The following RTN4 variants were observed in gnomAD, a reference collection of about 807,000 sequenced individuals.
RTN4 encodes reticulon-4.
Under a neutral mutation model 90.4 loss-of-function variants are expected in RTN4, and 32 were observed. That is an observed-to-expected ratio of 0.35 (90% confidence interval 0.27 to 0.48). The LOEUF is 0.48. Among genes scored for constraint, RTN4 ranks in the 20% least tolerant of loss-of-function variants. RTN4 has a pLI of 0.99. For synonymous variants in RTN4, 629 were observed against 552.5 expected (o/e 1.14, Z -1.94); for missense variants, 1,706 against 1,430.2 (o/e 1.19, Z -3.11).
Position 54,973,874 on chromosome 2 carries a change from AG to A in RTN4, c.3431-8del, listed in dbSNP as rs1486522211. The A allele has an allele frequency of 6.2e-7, 1 of 1,610,658 alleles. No individual in the cohort carries two copies. The highest frequency in any genetic ancestry group is 1.7e-5 in the Admixed American group (1 of 59,502). On this transcript the variant is annotated splice_polypyrimidine_tract_variant and splice_region_variant and intron_variant, in intron 6 of 8. Transcript: ENST00000337526. ...CTGAAGAGTGAAATGAGAGCTGAAAAGGGAAATATACAACTTTTCAAAAAGA... is the reference window on the plus strand; with the variant it reads ...CTGAAGAGTGAAATGAGAGCTGAAAAGGAAATATACAACTTTTCAAAAAGA...
intron 5 of RTN4, among the ~76,000 whole-genome samples, chr2:54,981,645 G>C (rs1361368994): frequency 6.6e-6 from 1 of 152,178 alleles, no homozygotes; most frequent in Non-Finnish European, 1.5e-5. Flanking sequence ...TCAGAACTTT[G>C]GGAGAGTTTA....
chr2:55,030,075 A>G (rs1473532615), intron 1 of RTN4, among the ~76,000 whole-genome samples: 1 of 152,216 alleles, frequency 6.6e-6, no homozygotes, highest in Non-Finnish European at 1.5e-5. Context: ...TATCTAGACA[A>G]TATAGTTAAA....
At chr2:55,075,016 A>G (rs1558868997) in intron 2 of RTN4, among the ~76,000 whole-genome samples, 1 of 152,234 alleles carries the variant, frequency 6.6e-6, no homozygotes, top group Non-Finnish European at 1.5e-5. Flanking sequence ...GATAACTGGA[A>G]CAAGACAAGG....
the RTN4 span, among the ~76,000 whole-genome samples, chr2:55,135,700 C>T: frequency 6.6e-6 from 1 of 152,146 alleles, no homozygotes; most frequent in Admixed American, 6.6e-5. Flanking sequence ...TCTCCGTCAA[C>T]CCCAAAAAGT....
chr2:55,020,542 T>G (rs1681351969), intron 3 of RTN4, among the ~76,000 whole-genome samples: 1 of 152,162 alleles, frequency 6.6e-6, no homozygotes, highest in Non-Finnish European at 1.5e-5. Flanking sequence ...GTCACAAATT[T>G]CTTTGTAAAT....
intron 3 of RTN4, among the ~76,000 whole-genome samples, chr2:55,015,426 C>T (rs1271358850): frequency 2.6e-5 from 4 of 151,918 alleles, no homozygotes; most frequent in Non-Finnish European, 4.4e-5. Flanking sequence ...TGAAAATGTC[C>T]ACTGAAATGT....
chr2:55,051,678 A>T (rs371043499), upstream of RTN4, among the ~76,000 whole-genome samples: 3 of 152,338 alleles, frequency 2.0e-5, no homozygotes, highest in East Asian at 3.9e-4. Flanking sequence ...GTGGCTACTG[A>T]TTGAACACTC....
chr2:55,058,016 G>A lies in RTN4; in HGVS notation c.-63+22473C>T, dbSNP rs62134856. On this transcript the variant is annotated intron_variant, in intron 2 of 3. Coordinates refer to the RTN4 transcript ENST00000427710. ...AATAAATAAATAATAGAGTAGTTCA[G>A]TGGGTTTTGATCACAAAGCTAAAGA... Among the ~76,000 whole-genome samples the A allele has an allele frequency of 2.6e-3, 393 of 152,156 alleles. 2 individuals carry two copies. Among genetic ancestry groups the A allele is most frequent in the Non-Finnish European group, 4.2e-3 (283 of 67,996 alleles).
In RTN4 at chr2:55,047,046, G is replaced by A. The variant is rs187240734; in HGVS notation, c.556+2699C>T. Among the ~76,000 whole-genome samples the A allele has an allele frequency of 3.9e-5, 6 of 152,238 alleles. No individual in the cohort carries two copies. The East Asian group carries it at 1.2e-3, about 29-fold the overall frequency. The stretch of plus-strand genomic sequence containing the variant: ...TTTGTCAATCATTAAACTTCCTGTG[G>A]CCAGGCGCAGTGGCTCATGCCTGTA... On this transcript the variant is annotated intron_variant, in intron 1 of 8. Coordinates refer to ENST00000337526, the MANE Select transcript of RTN4 (RefSeq NM_020532.5).
At chr2:55,063,576 T>C (rs1166507574) in intron 2 of RTN4, among the ~76,000 whole-genome samples, 1 of 151,990 alleles carries the variant, frequency 6.6e-6, no homozygotes, top group Non-Finnish European at 1.5e-5. Flanking sequence ...AGAATAACAC[T>C]GAATTATGTT....
chr2:55,046,278 G>C (rs1190899236), intron 1 of RTN4, among the ~76,000 whole-genome samples: 2 of 152,026 alleles, frequency 1.3e-5, no homozygotes, highest in Non-Finnish European at 2.9e-5. Context: ...TATTTAATAA[G>C]CATATTTTTA....
the RTN4 span, among the ~76,000 whole-genome samples, chr2:55,131,546 C>A: frequency 6.6e-6 from 1 of 152,278 alleles, no homozygotes; most frequent in Non-Finnish European, 1.5e-5. Context: ...CCCAAACATT[C>A]TTTTACCGGT....
At chr2:54,980,463 G>C (rs1402808421) in intron 5 of RTN4, among the ~76,000 whole-genome samples, 2 of 152,276 alleles carry the variant, frequency 1.3e-5, no homozygotes, top group East Asian at 1.9e-4. Flanking sequence ...AGAGCATAAT[G>C]AATCATTCCC....
chr2:54,977,180 C>T (rs1677704361), intron 5 of RTN4, among the ~76,000 whole-genome samples: 1 of 152,212 alleles, frequency 6.6e-6, no homozygotes, highest in African/African-American at 2.4e-5. Context: ...CTTTCCTGCA[C>T]TCTCAAACTC....
intron 3 of RTN4, chr2:55,010,311 C>G (rs200669169): frequency 7.1e-7 from 1 of 1,408,664 alleles, no homozygotes; most frequent in Non-Finnish European, 9.3e-7. Context: ...AACAGTCTGA[C>G]GCAGTGCAAT....
At chr2:55,101,630 G>A (rs559498057) in intron 1 of RTN4, among the ~76,000 whole-genome samples, 2 of 152,212 alleles carry the variant, frequency 1.3e-5, no homozygotes, top group South Asian at 2.1e-4. Context: ...TACATAGTCT[G>A]TGCCAGGCAA....
chr2:55,030,057 G>A (rs780189222), intron 1 of RTN4, among the ~76,000 whole-genome samples: 14 of 152,118 alleles, frequency 9.2e-5, no homozygotes, highest in Non-Finnish European at 1.9e-4. Context: ...CAAAATGGTT[G>A]TCTTTTTTAT....
At chr2:55,093,213 T>C (rs1668971764) in intron 1 of RTN4, among the ~76,000 whole-genome samples, 1 of 152,234 alleles carries the variant, frequency 6.6e-6, no homozygotes, top group Non-Finnish European at 1.5e-5. Flanking sequence ...TTGTATTTGC[T>C]CTTAGTAATA....
upstream of RTN4, chr2:55,050,821 GTCCGTAT>G (rs1668068910): frequency 2.0e-5 from 3 of 151,826 alleles, no homozygotes; most frequent in East Asian, 3.9e-4. This position sits in a 1 kb window ranked among gnomAD's most constrained non-coding sequence, Gnocchi z 4.6. Context: ...CGCAGCTGGC[GTCCGTAT>G]GTCGTTAGAG....
Sources: gnomAD v4.1 joint callset for allele counts (sites outside exome capture counted in the v4.1 genomes callset) on GRCh38, gnomAD v4.1.1 for gene constraint, Gnocchi (gnomAD v3.1) non-coding constraint, MANE v1.5 for transcripts, NCBI Gene and HGNC (gene_info 2026-07-23, HGNC 2026-07-21) for gene names.